The following ASXL1 variants were observed in gnomAD, a reference collection of about 807,000 sequenced individuals.
ASXL1 encodes polycomb group protein ASXL1.
In ASXL1, 65 loss-of-function variants were observed where a neutral mutation model predicts 89.1. The observed-to-expected ratio is 0.73, with a 90% CI of 0.60 to 0.90. ASXL1 has a LOEUF of 0.90. Among genes scored for constraint, ASXL1 ranks in the 40% least tolerant of loss-of-function variants. ASXL1 has a pLI of 0.00. For synonymous variants in ASXL1, 739 were observed against 746.9 expected, an observed-to-expected ratio of 0.99 and a Z score of 0.17; for missense variants, 1,786 against 1,942.9, an observed-to-expected ratio of 0.92 and a Z score of 1.52.
At chr20:32,359,959 C>A in intron 1 of ASXL1, 1 of 644,540 alleles carries the variant, frequency 1.6e-6, no homozygotes. Context: ...TCTCTTGACA[C>A]TGTAGTTTAT....
chr20:32,399,452 T>C (rs1365425290), intron 4 of ASXL1, among the ~76,000 whole-genome samples: 3 of 151,882 alleles, frequency 2.0e-5, no homozygotes, highest in Non-Finnish European at 2.9e-5. Context: ...TTGTGGTTCA[T>C]TGATGTTCTT....
chr20:32,363,512 A>C (rs759914337), intron 1 of ASXL1, among the ~76,000 whole-genome samples: 2 of 152,216 alleles, frequency 1.3e-5, no homozygotes. Flanking sequence ...TACAGTCATG[A>C]TACGTGTTAT....
chr20:32,410,690 C>G (rs1166472505), intron 4 of ASXL1, among the ~76,000 whole-genome samples: 1 of 152,070 alleles, frequency 6.6e-6, no homozygotes, highest in Non-Finnish European at 1.5e-5. Flanking sequence ...TACTTTCATT[C>G]ACTGGTTTTA....
At chr20:32,427,986 GA>G in intron 4 of ASXL1, 141 bp from the exon 5 acceptor site, 5 of 1,224,552 alleles carry the variant, frequency 4.1e-6, no homozygotes, top group Non-Finnish European at 3.5e-6. Context: ...AACTTGCTGA[GA>G]AAAAGGTCAG....
intron 4 of ASXL1, among the ~76,000 whole-genome samples, chr20:32,397,399 CTT>C (rs1199602381): frequency 3.1e-5 from 3 of 96,652 alleles, no homozygotes; most frequent in Admixed American, 1.4e-4. Flanking sequence ...CACTCCTGGC[CTT>C]TTTTTTTTTT....
intron 4 of ASXL1, among the ~76,000 whole-genome samples, chr20:32,383,604 G>A (rs927467764): frequency 6.6e-6 from 1 of 152,042 alleles, no homozygotes; most frequent in African/African-American, 2.4e-5. Flanking sequence ...CACTGCACCC[G>A]GCCAGTTGTT....
At chr20:32,410,047 C>T (rs1006662782) in intron 4 of ASXL1, among the ~76,000 whole-genome samples, 5 of 152,148 alleles carry the variant, frequency 3.3e-5, no homozygotes, top group Admixed American at 1.3e-4. Flanking sequence ...ATGTCCTCCT[C>T]AGTACATTTT....
chr20:32,385,548 A>C (rs951055905), intron 4 of ASXL1, among the ~76,000 whole-genome samples: 1 of 152,170 alleles, frequency 6.6e-6, no homozygotes, highest in Non-Finnish European at 1.5e-5. Flanking sequence ...TCTTTTTTGA[A>C]ATACAGATGA....
chr20:32,383,594 C>G (rs1478505798), intron 4 of ASXL1, among the ~76,000 whole-genome samples: 1 of 152,170 alleles, frequency 6.6e-6, no homozygotes, highest in Non-Finnish European at 1.5e-5. Flanking sequence ...AGGCGTGAGC[C>G]ACTGCACCCG....
At chr20:32,384,262 A>G (rs1309410681) in intron 4 of ASXL1, among the ~76,000 whole-genome samples, 1 of 129,340 alleles carries the variant, frequency 7.7e-6, no homozygotes, top group African/African-American at 3.0e-5. Context: ...GCTGGAGTGC[A>G]GTGGTGTGAT....
chr20:32,385,106 T>C (rs1045571676), intron 4 of ASXL1, among the ~76,000 whole-genome samples: 1 of 152,178 alleles, frequency 6.6e-6, no homozygotes, highest in Non-Finnish European at 1.5e-5. Context: ...CTTAGCTAAA[T>C]CTGGAAGAAA....
At chr20:32,414,529 C>T (rs1047512629) in intron 4 of ASXL1, among the ~76,000 whole-genome samples, 5 of 152,002 alleles carry the variant, frequency 3.3e-5, no homozygotes, top group Admixed American at 6.6e-5. Flanking sequence ...GGCAACATAG[C>T]AACACCCCAT....
intron 4 of ASXL1, among the ~76,000 whole-genome samples, chr20:32,390,386 C>T (rs80005606): frequency 0.026 from 3,931 of 152,222 alleles, 87 homozygotes; most frequent in Non-Finnish European, 0.039. Flanking sequence ...TTTTAAAATA[C>T]AGGAAATTCA....
At chr20:32,401,841 C>G (rs1271909209) in intron 4 of ASXL1, among the ~76,000 whole-genome samples, 1 of 152,096 alleles carries the variant, frequency 6.6e-6, no homozygotes, top group Admixed American at 6.5e-5. Flanking sequence ...CAGGCGTGAG[C>G]CACTGCACCT....
intron 4 of ASXL1, among the ~76,000 whole-genome samples, chr20:32,410,526 A>G (rs143958394): frequency 5.9e-5 from 9 of 152,316 alleles, no homozygotes; most frequent in African/African-American, 2.2e-4. Flanking sequence ...ACAATGTACT[A>G]TAATCAAAGT....
intron 4 of ASXL1, chr20:32,371,764 A>T: frequency 2.2e-6 from 1 of 448,384 alleles, no homozygotes. Context: ...GCTAATTTTT[A>T]AATTTTTTCC....
chr20:32,424,002 A>G (rs1454832316), intron 4 of ASXL1, among the ~76,000 whole-genome samples: 1 of 152,228 alleles, frequency 6.6e-6, no homozygotes, highest in Non-Finnish European at 1.5e-5. Flanking sequence ...ACTTCTGGGT[A>G]GTTTGAATTG....
At chr20:32,386,054 C>G (rs925277411) in intron 4 of ASXL1, among the ~76,000 whole-genome samples, 2 of 152,200 alleles carry the variant, frequency 1.3e-5, no homozygotes, top group Non-Finnish European at 2.9e-5. Flanking sequence ...TGTGTCCAAA[C>G]CTTACTTGTT....
intron 4 of ASXL1, among the ~76,000 whole-genome samples, chr20:32,411,196 C>G (rs201355818): frequency 9.9e-6 from 1 of 101,130 alleles, no homozygotes; most frequent in Non-Finnish European, 2.1e-5. Flanking sequence ...TTTGTTTATT[C>G]GTTGTGAATT....
Sources: gnomAD v4.1 joint callset for allele counts (sites outside exome capture counted in the v4.1 genomes callset) on GRCh38, gnomAD v4.1.1 for gene constraint, MANE v1.5 for transcripts, NCBI Gene and HGNC (gene_info 2026-07-23, HGNC 2026-07-21) for gene names.